MROH9: variants seen among roughly 807,000 people sequenced by gnomAD.
MROH9 encodes the protein maestro heat-like repeat-containing protein family member 9.
Under a neutral mutation model 98.2 loss-of-function variants are expected in MROH9, and 92 were observed. That is an observed-to-expected ratio of 0.94 (90% CI 0.79 to 1.11). The LOEUF (loss-of-function observed/expected upper bound fraction) is 1.11, where lower values mean the gene tolerates loss of function less well. Among genes scored for constraint, MROH9 ranks in the 50% most tolerant of loss-of-function variants. The pLI is 0.00. For synonymous variants in MROH9, 397 were observed against 368.9 expected (o/e 1.08, Z -0.87); for missense variants, 1,057 against 1,014.8 (o/e 1.04, Z -0.57).
In MROH9 at chr1:170,995,486, T is replaced by G. The variant is rs1293881401; in HGVS notation, c.1292T>G (p.Val431Gly). The G allele has an allele frequency of 1.2e-6, 2 of 1,613,390 alleles. No individual in the cohort carries two copies. The highest frequency in any genetic ancestry group is 3.3e-5 in the Admixed American group (2 of 59,900). Reference sequence around the variant, plus strand: ...CTCTTGACGACTCTTATGTTCCAAGTCTTCTACAACAGTGAGCTGAAACCG... The same window carrying G: ...CTCTTGACGACTCTTATGTTCCAAGGCTTCTACAACAGTGAGCTGAAACCG... ...PQLLTTLMFQ[V>G]FYNSELKPIL... Residue 431 changes from valine to glycine, a missense_variant, in exon 13 of 22, where the codon GTC becomes GGC. Val to Gly is a moderately radical substitution (Grantham distance 109). Transcript: ENST00000367759.
chr1:170,979,394 T>C (rs540638732), intron 8 of MROH9, among the ~76,000 whole-genome samples: 4 of 152,308 alleles, frequency 2.6e-5, no homozygotes, highest in African/African-American at 9.6e-5. Flanking sequence ...TCAGTTGATT[T>C]TTTATGAAGT....
In MROH9 at chr1:170,953,874, AG is replaced by A. The variant is rs1296053740; in HGVS notation, c.73-4586del. ...GAAAGAGAAAGAAAGAGAGAGAGAGAGAGAGAAAGAAAGAAAGAAAAAAAGA... is the reference window on the plus strand; with the variant it reads ...GAAAGAGAAAGAAAGAGAGAGAGAGAAGAGAAAGAAAGAAAGAAAAAAAGA... On this transcript the variant is annotated intron_variant, in intron 3 of 21. Coordinates refer to ENST00000367759, the MANE Select transcript of MROH9 (RefSeq NM_001163629.2). Among the ~76,000 whole-genome samples, 43 of 115,390 alleles carry A rather than the reference AG, an allele frequency of 3.7e-4. No individual in the cohort carries two copies. The Middle Eastern group carries it at 0.013, about 36-fold the overall frequency. The allele number at this position is 115,390 out of a possible 152,430, so 75.7% of individuals were successfully genotyped here.
chr1:170,978,706 A>G (rs1198258026), intron 8 of MROH9, among the ~76,000 whole-genome samples: 1 of 152,182 alleles, frequency 6.6e-6, no homozygotes, highest in East Asian at 1.9e-4. Flanking sequence ...TGAAGGGGAC[A>G]GGTGGGAGCA....
chr1:170,996,978 C>G (rs1208020092), intron 14 of MROH9, among the ~76,000 whole-genome samples: 1 of 152,088 alleles, frequency 6.6e-6, no homozygotes, highest in Admixed American at 6.6e-5. Context: ...CAGCAGGCAT[C>G]AGTTTTAGAC....
chr1:170,958,298 A>C (rs535471306), intron 3 of MROH9, among the ~76,000 whole-genome samples, 163 bp from the exon 4 acceptor site: 36 of 152,220 alleles, frequency 2.4e-4, no homozygotes, highest in Non-Finnish European at 5.1e-4. Context: ...GATTTAAATT[A>C]CAGTTTGGTC....
intron 20 of MROH9, among the ~76,000 whole-genome samples, chr1:171,042,076 C>T (rs972230710): frequency 2.6e-5 from 4 of 151,946 alleles, no homozygotes; most frequent in African/African-American, 9.7e-5. Flanking sequence ...GTAAGTCTTA[C>T]TCATTCTTTG....
chr1:170,943,510 C>G (rs956808261), intron 1 of MROH9, among the ~76,000 whole-genome samples: 1 of 151,728 alleles, frequency 6.6e-6, no homozygotes, highest in Non-Finnish European at 1.5e-5. Context: ...CATATAGATT[C>G]AAAAGCAGAC....
At chr1:171,001,810 G>C (rs1191743915) in intron 15 of MROH9, among the ~76,000 whole-genome samples, 1 of 152,148 alleles carries the variant, frequency 6.6e-6, no homozygotes. Flanking sequence ...TTTCTGTCTT[G>C]ATGACTTGTT....
chr1:170,942,484 C>T (rs959726374), intron 1 of MROH9, among the ~76,000 whole-genome samples: 4 of 151,846 alleles, frequency 2.6e-5, no homozygotes, highest in Non-Finnish European at 5.9e-5. Context: ...TGTATGTCTT[C>T]AATCCTGTGA....
intron 3 of MROH9, among the ~76,000 whole-genome samples, chr1:170,951,228 G>A (rs1180610495): frequency 6.6e-6 from 1 of 152,034 alleles, no homozygotes; most frequent in East Asian, 1.9e-4. Context: ...TTTAGAAAGT[G>A]CAAAGAGTTA....
intron 16 of MROH9, chr1:171,014,925 A>C (rs1377723332): frequency 2.1e-6 from 1 of 468,718 alleles, no homozygotes; most frequent in Non-Finnish European, 4.4e-6. Flanking sequence ...AAGGTCCTCC[A>C]GGTGACTGTT....
chr1:170,942,401 A>T (rs1649156771), intron 1 of MROH9, among the ~76,000 whole-genome samples: 1 of 149,756 alleles, frequency 6.7e-6, no homozygotes, highest in Admixed American at 6.7e-5. Flanking sequence ...ACACACACAC[A>T]CACACACACC....
Position 170,999,526 on chromosome 1 carries a change from C to CTATA in MROH9, c.1596+1265_1596+1268dup, listed in dbSNP as rs57101708. On this transcript the variant is annotated intron_variant, in intron 15 of 21. Coordinates refer to ENST00000367759, the MANE Select transcript of MROH9 (RefSeq NM_001163629.2). ...TTTTTCTAGCTGAGTAGTATTCCATCTATATATATATATATACACACACAC... is the reference window on the plus strand; with the variant it reads ...TTTTTCTAGCTGAGTAGTATTCCATCTATATATATATATATATATACACACACAC... Among the ~76,000 whole-genome samples, 24 of 149,946 alleles carry CTATA rather than the reference C, an allele frequency of 1.6e-4. No homozygotes were observed. In the South Asian group the frequency reaches 4.8e-3, roughly 30 times the overall value.
intron 3 of MROH9, among the ~76,000 whole-genome samples, chr1:170,950,914 C>G (rs979468273): frequency 6.6e-6 from 1 of 151,938 alleles, no homozygotes; most frequent in African/African-American, 2.4e-5. Flanking sequence ...AATTTTTATT[C>G]TTTATTTTCT....
At chr1:170,982,312 G>A (rs1214848547) in intron 8 of MROH9, among the ~76,000 whole-genome samples, 2 of 152,140 alleles carry the variant, frequency 1.3e-5, no homozygotes, top group Non-Finnish European at 2.9e-5. Context: ...ATGAATCTCA[G>A]TAGTTTTGCT....
At chr1:171,014,075 G>A in intron 15 of MROH9, 42 bp from the exon 16 acceptor site, 4 of 1,505,610 alleles carry the variant, frequency 2.7e-6, no homozygotes, top group Non-Finnish European at 3.6e-6. Context: ...TCGTGCAGTG[G>A]CCTCTACTTT....
chr1:170,940,964 A>G (rs375014968), intron 1 of MROH9, among the ~76,000 whole-genome samples: 1 of 152,074 alleles, frequency 6.6e-6, no homozygotes, highest in Non-Finnish European at 1.5e-5. Context: ...GTCTATTCCA[A>G]TTACGCATTC....
chr1:170,959,043 T>C (rs1655096623), intron 4 of MROH9, among the ~76,000 whole-genome samples: 2 of 152,204 alleles, frequency 1.3e-5, no homozygotes, highest in Non-Finnish European at 2.9e-5. Flanking sequence ...TCATCTGTCA[T>C]ACAAAGCCAA....
intron 2 of MROH9, among the ~76,000 whole-genome samples, chr1:170,947,291 G>T (rs2101872720): frequency 6.6e-6 from 1 of 151,870 alleles, no homozygotes; most frequent in Admixed American, 6.6e-5. Context: ...ATACTACTTG[G>T]GTATAGGCTT....
Sources: gnomAD v4.1 joint callset for allele counts (sites outside exome capture counted in the v4.1 genomes callset) on GRCh38, gnomAD v4.1.1 for gene constraint, MANE v1.5 for transcripts, NCBI Gene and HGNC (gene_info 2026-07-23, HGNC 2026-07-21) for gene names.